The following CCNH variants were observed in gnomAD, a reference collection of about 807,000 sequenced individuals.
The protein encoded by CCNH is cyclin H, also known as cyclin-H.
CCNH carries 31 observed loss-of-function variants against 41.9 expected under a neutral mutation model. That is an observed-to-expected ratio of 0.74 (90% CI 0.56 to 1.00). The LOEUF (loss-of-function observed/expected upper bound fraction) is 1.00. Among genes scored for constraint, CCNH ranks in the 50% least tolerant of loss-of-function variants. The pLI is 0.00. For synonymous variants in CCNH, 138 were observed against 136.1 expected (o/e 1.01, Z -0.10); for missense variants, 362 against 388.4 (o/e 0.93, Z 0.57).
chr5:87,374,112 C>T (rs567625847), downstream of CCNH: 14 of 1,263,630 alleles, frequency 1.1e-5, no homozygotes, highest in African/African-American at 2.1e-4. Context: ...AAATGTAGTG[C>T]AATTCTAGAA....
intron 9 of CCNH, among the ~76,000 whole-genome samples, chr5:87,360,122 C>A (rs1759961981): frequency 2.0e-5 from 3 of 146,620 alleles, no homozygotes. Context: ...TATCAAAATG[C>A]AGTTTTTTTT....
At chr5:87,399,592 T>C in intron 6 of CCNH, 87 bp from the exon 7 acceptor site, 4 of 815,420 alleles carry the variant, frequency 4.9e-6, no homozygotes, top group African/African-American at 1.7e-5. Context: ...CATTTTGTCA[T>C]AGGAAACAAC....
At chr5:87,361,640 T>G (rs1760099825) in intron 9 of CCNH, among the ~76,000 whole-genome samples, 1 of 152,164 alleles carries the variant, frequency 6.6e-6, no homozygotes. Context: ...GATATAATTC[T>G]TTTCCTCAGG....
chr5:87,315,509 T>C (rs566529311), downstream of CCNH, among the ~76,000 whole-genome samples: 2 of 152,356 alleles, frequency 1.3e-5, no homozygotes, highest in East Asian at 3.9e-4. Flanking sequence ...ATTAAGTTTC[T>C]AACAAAGGAA....
At chr5:87,336,189 C>T (rs973719980) in intron 9 of CCNH, among the ~76,000 whole-genome samples, 3 of 152,094 alleles carry the variant, frequency 2.0e-5, no homozygotes, top group African/African-American at 2.4e-5. Flanking sequence ...GTGATATTCT[C>T]ACTAAATTTG....
intron 7 of CCNH, among the ~76,000 whole-genome samples, chr5:87,398,497 C>T (rs988292472): frequency 1.6e-4 from 25 of 152,112 alleles, no homozygotes; most frequent in African/African-American, 4.3e-4. Flanking sequence ...TTCATTAATC[C>T]TAGTACCTGT....
intron 6 of CCNH, among the ~76,000 whole-genome samples, chr5:87,401,318 T>C (rs1387510891): frequency 6.6e-6 from 1 of 152,214 alleles, no homozygotes; most frequent in Non-Finnish European, 1.5e-5. Context: ...CTTCTACCTT[T>C]CTCTTAAAAA....
chr5:87,408,239 C>A, intron 3 of CCNH, 53 bp from the exon 4 acceptor site: 1 of 820,506 alleles, frequency 1.2e-6, no homozygotes, highest in Non-Finnish European at 1.9e-6. Flanking sequence ...GGTGGAAGAA[C>A]ATGCATATAC....
Position 87,376,959 on chromosome 5 carries a change from A to G in CCNH, n.222T>C, listed in dbSNP as rs1180041614. The G allele has an allele frequency of 1.2e-6, 2 of 1,611,822 alleles. No homozygotes were observed. Among genetic ancestry groups the G allele is most frequent in the East Asian group, 4.5e-5 (2 of 44,836 alleles). On this transcript the variant is annotated non_coding_transcript_exon_variant, in exon 1 of 1. Transcript: ENST00000607486. The stretch of plus-strand genomic sequence containing the variant: ...ACAAGACCGAACACTACTGGCCAGC[A>G]TCCTACTGAGGATTTTTCTTCACGA...
intron 9 of CCNH, among the ~76,000 whole-genome samples, chr5:87,356,415 G>C (rs1759655224): frequency 6.6e-6 from 1 of 151,602 alleles, no homozygotes; most frequent in African/African-American, 2.4e-5. Flanking sequence ...CCGGAGTCAG[G>C]GTCTTGCGCT....
chr5:87,322,950 G>A (rs1756937671), intron 9 of CCNH, among the ~76,000 whole-genome samples: 1 of 152,124 alleles, frequency 6.6e-6, no homozygotes, highest in Non-Finnish European at 1.5e-5. Flanking sequence ...GGAGATATTT[G>A]CTAATTTTTT....
At chr5:87,393,070 A>G (rs1179788038), downstream of CCNH, among the ~76,000 whole-genome samples, 1 of 151,608 alleles carries the variant, frequency 6.6e-6, no homozygotes, top group African/African-American at 2.4e-5. Context: ...TCACTCTGGA[A>G]TGAGAAAAAA....
rs138841944 is a variant in CCNH, at chr5:87,365,946, C to G, written c.*90+26824G>C. Among the ~76,000 whole-genome samples the G allele has an allele frequency of 4.6e-3, 705 of 152,136 alleles. 5 individuals are homozygous for G. The highest frequency in any genetic ancestry group is 0.016 in the African/African-American group (663 of 41,518). On this transcript the variant is annotated intron_variant and NMD_transcript_variant, in intron 9 of 9. Transcript: ENST00000645953. Reference sequence around the variant, plus strand: ...AATGAAATGGAGGCTGTAATAAAATCTAAGCTGCTTCAGTTGCATGTGTTT... The same window carrying G: ...AATGAAATGGAGGCTGTAATAAAATGTAAGCTGCTTCAGTTGCATGTGTTT...
At chr5:87,374,727 C>CT (rs1761201870), downstream of CCNH, 1 of 1,414,454 alleles carries the variant, frequency 7.1e-7, no homozygotes, top group Non-Finnish European at 9.6e-7. Flanking sequence ...GTCTAGCACA[C>CT]TGTTTTTTTT....
At chr5:87,402,051 T>C (rs3093813) in intron 5 of CCNH, among the ~76,000 whole-genome samples, 1,916 of 152,320 alleles carry the variant, frequency 0.013, 13 homozygotes, top group Middle Eastern at 0.034. Context: ...CATTTATATC[T>C]TTTAATATAG....
chr5:87,366,836 A>G (rs1222816173), intron 9 of CCNH, among the ~76,000 whole-genome samples: 1 of 152,154 alleles, frequency 6.6e-6, no homozygotes, highest in East Asian at 1.9e-4. Flanking sequence ...GTTGGAGACC[A>G]GCCTGGGCCT....
At chr5:87,380,841 C>G (rs1256187485), upstream of CCNH, among the ~76,000 whole-genome samples, 3 of 152,120 alleles carry the variant, frequency 2.0e-5, no homozygotes, top group African/African-American at 7.2e-5. Flanking sequence ...TAAACCCTTA[C>G]AAGATGAGGC....
downstream of CCNH, among the ~76,000 whole-genome samples, chr5:87,374,530 AGTT>A (rs1285059020): frequency 1.5e-5 from 2 of 136,376 alleles, no homozygotes; most frequent in African/African-American, 5.6e-5. Context: ...TTTTCCACTT[AGTT>A]ATTAACATGA....
intron 9 of CCNH, among the ~76,000 whole-genome samples, chr5:87,383,953 TTTTCTTTTTG>T (rs2112509663): frequency 6.6e-6 from 1 of 152,186 alleles, no homozygotes; most frequent in South Asian, 2.1e-4. Flanking sequence ...TCTTGGGCTT[TTTTCTTTTTG>T]TTTCTTTTCT....
Sources: gnomAD v4.1 joint callset for allele counts (sites outside exome capture counted in the v4.1 genomes callset) on GRCh38, gnomAD v4.1.1 for gene constraint, MANE v1.5 for transcripts, NCBI Gene and HGNC (gene_info 2026-07-23, HGNC 2026-07-21) for gene names.